Variants in KRT32 observed in about 807,000 individuals in gnomAD.
KRT32 encodes the protein keratin, type I cuticular Ha2.
In KRT32, 44 loss-of-function variants were observed where a neutral mutation model predicts 41.8. The ratio of observed to expected loss-of-function variants is 1.05; its 90% CI spans 0.83 to 1.35. The LOEUF is 1.35. KRT32 is among the 40% of genes most tolerant of loss of function. KRT32 has a pLI of 0.00. For synonymous variants in KRT32, 238 were observed against 242.5 expected (o/e 0.98, Z 0.17); for missense variants, 576 against 584.6 (o/e 0.99, Z 0.15).
At position 41,462,851 on chromosome 17, in the gene KRT32, A is replaced by C. The variant is rs760535408; in HGVS notation, c.1196T>G (p.Leu399Arg). 2.7e-5 allele frequency: 44 copies of C among 1,613,366 alleles called. No individual in the cohort carries two copies. The highest frequency in any genetic ancestry group is 3.7e-5 in the Non-Finnish European group (44 of 1,179,928). ...LEGEINTYRS[L>R]LENEDCKLPC... Reference sequence around the variant, plus strand: ...GTACTTGCAGTCCTCGTTCTCCAGCAGGCTCCGGTACGTGTTGATCTCGCC... The same window carrying C: ...GTACTTGCAGTCCTCGTTCTCCAGCCGGCTCCGGTACGTGTTGATCTCGCC... Residue 399 changes from leucine to arginine, a missense_variant, in exon 6 of 7, where the codon CTG becomes CGG. Leu to Arg is a moderately radical substitution (Grantham distance 102). Transcript: ENST00000225899.
rs1244259915 is a variant in KRT32 at position 41,459,658 on chromosome 17, T to G, written c.*452A>C. 6.6e-6 allele frequency among the ~76,000 whole-genome samples: 1 copy of G among 152,244 alleles called. No individual in the cohort carries two copies. The highest frequency in any genetic ancestry group is 2.1e-4 in the South Asian group (1 of 4,828). ...GATTAGTTTTAACTGGTTTATGGCA[T>G]GCGGGCCCTTTTAGTGAACACCTCT... On this transcript the variant is annotated 3_prime_UTR_variant, in exon 7 of 7. Transcript: ENST00000225899.
In KRT32 at chr17:41,465,915, AGCTCTGCCTCGTACCT is replaced by A. The variant is rs909491659; in HGVS notation, c.552-2_565del. The A allele has an allele frequency of 6.2e-7, 1 of 1,613,598 alleles. No homozygotes were observed. The highest frequency in any genetic ancestry group is 8.5e-7 in the Non-Finnish European group (1 of 1,179,682). On this transcript the variant is annotated splice_acceptor_variant and coding_sequence_variant, in exon 3 of 7. Coordinates refer to ENST00000225899, the MANE Select transcript of KRT32 (RefSeq NM_002278.3). LOFTEE classifies it high-confidence loss of function. Reference sequence around the variant, plus strand: ...GGCCTCCACCAGCTGCCGCATGGCCAGCTCTGCCTCGTACCTGCACAAGGACAGGGTCAGCAACCAA... The same window carrying A: ...GGCCTCCACCAGCTGCCGCATGGCCAGCACAAGGACAGGGTCAGCAACCAA...
At position 41,460,182 on chromosome 17, in the gene KRT32, G is replaced by T; in HGVS notation, c.1275C>A (p.Cys425Ter). Reference sequence around the variant, plus strand: ...GTGGCACACAGACGGTGCGGGGCACGCATGGGGAGGGCACACAGGTGGTGC... The same window carrying T: ...GTGGCACACAGACGGTGCGGGGCACTCATGGGGAGGGCACACAGGTGGTGC... ...PSCTTCVPSP[C>*]VPRTVCVPRT... The change falls in exon 7 of 7, where the codon TGC becomes TGA. Residue 425 changes from cysteine to a stop codon, truncating the protein, a stop_gained. Coordinates refer to ENST00000225899, the MANE Select transcript of KRT32 (RefSeq NM_002278.3). LOFTEE classifies it low-confidence loss of function (END_TRUNC). 1 of 1,612,680 alleles carries T rather than the reference G, an allele frequency of 6.2e-7. No individual in the cohort carries two copies. The highest frequency in any genetic ancestry group is 8.5e-7 in the Non-Finnish European group (1 of 1,179,360).
At chr17:41,465,127 CA>C (rs1283132259) in intron 3 of KRT32, among the ~76,000 whole-genome samples, 1 of 152,146 alleles carries the variant, frequency 6.6e-6, no homozygotes, top group East Asian at 1.9e-4. Context: ...TGGCAGCACA[CA>C]GGTGCCCAAA....
chr17:41,462,875 C>T lies in KRT32; in HGVS notation c.1172G>A (p.Gly391Asp). 2 of 1,558,298 alleles carry T rather than the reference C, an allele frequency of 1.3e-6. No individual in the cohort carries two copies. The highest frequency in any genetic ancestry group is 2.4e-5 in the South Asian group (2 of 82,754). ...CAGGCTCCGGTACGTGTTGATCTCG[C>T]CCTCCAGCCGGGCCCGGACGTCCAG... ...VLLDVRARLE[G>D]EINTYRSLLE... The change falls in exon 6 of 7, where the codon GGC (glycine) becomes GAC (aspartate). Residue 391 changes from glycine to aspartate, a missense_variant. Gly to Asp is a moderately conservative substitution (Grantham distance 94). Transcript: ENST00000225899.
chr17:41,466,068 AG>A, intron 2 of KRT32, 25 bp downstream of exon 2: 1 of 1,612,836 alleles, frequency 6.2e-7, no homozygotes, highest in Non-Finnish European at 8.5e-7. Context: ...GGTCCTCCCC[AG>A]CTCCAGCCCC....
chr17:41,466,732 C>G (rs1287174702), intron 1 of KRT32, 126 bp downstream of exon 1: 4 of 670,518 alleles, frequency 6.0e-6, no homozygotes, highest in Non-Finnish European at 1.0e-5. Flanking sequence ...TATAAAATAA[C>G]CCTATGCCCT....
chr17:41,466,925 G>A lies in KRT32; in HGVS notation c.401C>T (p.Ser134Phe), dbSNP rs1401238454. ...LESRIQEASH[S>F]QVLTMTPDYQ... ...GTCAGGAGTCATGGTGAGCACCTGG[G>A]AGTGAGAGGCCTCTTGGATCCTGCT... The change falls in exon 1 of 7, where the codon TCC becomes TTC. Residue 134 changes from serine (S) to phenylalanine (F), a missense_variant. Physicochemically the swap from Ser to Phe is radical, Grantham distance 155. Transcript: ENST00000225899. 3.7e-6 allele frequency: 6 copies of A among 1,614,242 alleles called. No homozygotes were observed. The highest frequency in any genetic ancestry group is 2.2e-5 in the East Asian group (1 of 44,888).
intron 5 of KRT32, 102 bp from the exon 6 acceptor site, chr17:41,463,152 G>T: frequency 2.7e-6 from 3 of 1,101,152 alleles, no homozygotes; most frequent in South Asian, 1.5e-5. Flanking sequence ...TGCTGGAAAT[G>T]AGCCCTCCCT....
At chr17:41,463,096 A>G (rs759747978) in intron 5 of KRT32, 46 bp from the exon 6 acceptor site, 5 of 1,551,702 alleles carry the variant, frequency 3.2e-6, no homozygotes, top group East Asian at 4.5e-5. Flanking sequence ...GCTGTTTACC[A>G]TGGCCTGCTT....
At chr17:41,463,889 GA>G (rs2019034664) in intron 5 of KRT32, among the ~76,000 whole-genome samples, 188 bp downstream of exon 5, 1 of 152,216 alleles carries the variant, frequency 6.6e-6, no homozygotes, top group South Asian at 2.1e-4. Context: ...ACCCATGTCT[GA>G]TTTGAAACAT....
chr17:41,463,375 G>A (rs9909398), intron 5 of KRT32, among the ~76,000 whole-genome samples: 96,717 of 152,156 alleles, frequency 0.64, 30,849 homozygotes, highest in East Asian at 0.67. Flanking sequence ...TTTCAAACCT[G>A]GCTGCACATT....
At chr17:41,464,055 G>T (rs779690704) in intron 5 of KRT32, 23 bp downstream of exon 5, 1 of 1,549,978 alleles carries the variant, frequency 6.5e-7, no homozygotes, top group South Asian at 1.3e-5. Flanking sequence ...CGGAGGGATG[G>T]GTGCCCACCC....
At chr17:41,464,045 C>T (rs767133312) in intron 5 of KRT32, 33 bp downstream of exon 5, 13 of 1,537,376 alleles carry the variant, frequency 8.5e-6, no homozygotes, top group Admixed American at 2.0e-5. Flanking sequence ...GCCTAGGATC[C>T]GGAGGGATGG....
At position 41,466,074 on chromosome 17, in the gene KRT32, A is replaced by G. The variant is rs1452884736; in HGVS notation, c.551+20T>C. On this transcript the variant is annotated intron_variant, in intron 2 of 6. Transcript: ENST00000225899. The stretch of plus-strand genomic sequence containing the variant: ...ATGAGGACAGGTCCTCCCCAGCTCC[A>G]GCCCCCCGACTGAACTCACTTGGCC... 1 of 1,613,436 alleles carries G rather than the reference A, an allele frequency of 6.2e-7. No individual in the cohort carries two copies. The highest frequency in any genetic ancestry group is 8.5e-7 in the Non-Finnish European group (1 of 1,179,478).
rs116221624 is a variant in KRT32 at position 41,464,305 on chromosome 17, C to A, written c.847G>T (p.Val283Leu). 1.2e-6 allele frequency: 2 copies of A among 1,606,562 alleles called. No homozygotes were observed. The highest frequency in any genetic ancestry group is 4.5e-5 in the East Asian group (2 of 44,678). The change falls in exon 4 of 7, where the codon GTG (valine) becomes TTG (leucine). Residue 283 changes from valine to leucine, a missense_variant. Transcript: ENST00000225899. ...ACCTGCATATTGAACCATTCCTCCACGTCCCTGCGGTTGGCCTCCACCATG... is the reference window on the plus strand; with the variant it reads ...ACCTGCATATTGAACCATTCCTCCAAGTCCCTGCGGTTGGCCTCCACCATG... ...EAMVEANRRD[V>L]EEWFNMQMEE... is the part of the protein sequence containing the mutation.
In KRT32 at chr17:41,464,821, G is replaced by A. The variant is rs1358330666; in HGVS notation, c.709-378C>T. ...CTTGACTAGTTAAAGGCCCGAGTTAGGGCAGCTGCCTCCCAGGCTTGGCTG... is the reference window on the plus strand; with the variant it reads ...CTTGACTAGTTAAAGGCCCGAGTTAAGGCAGCTGCCTCCCAGGCTTGGCTG... On this transcript the variant is annotated intron_variant, in intron 3 of 6. Coordinates refer to ENST00000225899, the MANE Select transcript of KRT32 (RefSeq NM_002278.3). Among the ~76,000 whole-genome samples, 8 of 152,334 alleles carry A rather than the reference G, an allele frequency of 5.3e-5. No individual in the cohort carries two copies. In the East Asian group the frequency reaches 9.7e-4, roughly 18 times the overall value.
Position 41,460,052 on chromosome 17 carries a change from A to G in KRT32, c.*58T>C. 6.5e-7 allele frequency: 1 copy of G among 1,528,020 alleles called. No individual in the cohort carries two copies. Among genetic ancestry groups the G allele is most frequent in the South Asian group, 1.3e-5 (1 of 76,652 alleles). 94.7% of individuals were successfully genotyped at this position (1,528,020 alleles called of 1,614,324 possible). A position where few individuals can be genotyped will look rare whatever the true frequency, so the allele number is the denominator to read the frequency against. On this transcript the variant is annotated 3_prime_UTR_variant, in exon 7 of 7. Transcript: ENST00000225899. Reference sequence around the variant, plus strand: ...GGCTGGCCCTGCTCTTCTGGTGGCCACTGAATACCAGGCTGCCCAGCCCCA... The same window carrying G: ...GGCTGGCCCTGCTCTTCTGGTGGCCGCTGAATACCAGGCTGCCCAGCCCCA...
chr17:41,466,851 C>T lies in KRT32; in HGVS notation c.468+7G>A, dbSNP rs1416214645. ...AGAGAGCCTATTCACCTCACCGCTGCCCTCACCTTCTGCTGGAGCTCCTCA... is the reference window on the plus strand; with the variant it reads ...AGAGAGCCTATTCACCTCACCGCTGTCCTCACCTTCTGCTGGAGCTCCTCA... On this transcript the variant is annotated splice_region_variant and intron_variant, in intron 1 of 6. Coordinates refer to ENST00000225899, the MANE Select transcript of KRT32 (RefSeq NM_002278.3). 3 of 1,599,272 alleles carry T rather than the reference C, an allele frequency of 1.9e-6. No homozygotes were observed. The highest frequency in any genetic ancestry group is 1.3e-5 in the African/African-American group (1 of 74,586).
Sources: allele counts gnomAD v4.1 joint callset (sites outside exome capture counted in the v4.1 genomes callset), GRCh38; gene constraint gnomAD v4.1.1; transcripts MANE v1.5; gene names NCBI Gene and HGNC (gene_info 2026-07-23, HGNC 2026-07-21).